The following LRRC9 variants were observed in gnomAD, a reference collection of about 807,000 sequenced individuals.
LRRC9 encodes the protein leucine rich repeat containing 9.
In LRRC9, 122 loss-of-function variants were observed where a neutral mutation model predicts 63.2. The observed-to-expected ratio is 1.93, with a 90% CI of 1.67 to 2.24. The LOEUF (loss-of-function observed/expected upper bound fraction) is 2.24. Ranked by LOEUF, LRRC9 falls within the 30% of genes most tolerant of loss-of-function variation. The probability of loss-of-function intolerance (pLI) is 0.00; values close to 1 mark genes in which losing one functional copy is unlikely to be tolerated. For synonymous variants in LRRC9, 366 were observed against 213.1 expected (o/e 1.72, Z -6.25); for missense variants, 1,071 against 627.7 (o/e 1.71, Z -7.55).
intron 26 of LRRC9, 111 bp from the exon 27 acceptor site, chr14:60,022,623 A>G (rs1027014926): frequency 2.4e-6 from 1 of 408,250 alleles, no homozygotes; most frequent in African/African-American, 2.1e-5. Context: ...ATATTAATAA[A>G]TTTATATTTT....
chr14:60,052,923 CT>C (rs1893999440), intron 29 of LRRC9, 141 bp from the exon 30 acceptor site: 1 of 498,696 alleles, frequency 2.0e-6, no homozygotes, highest in Admixed American at 3.4e-5. Flanking sequence ...AAAAAGGTAG[CT>C]CATTATCTGT....
intron 8 of LRRC9, among the ~76,000 whole-genome samples, chr14:59,953,775 A>G (rs1338876682): frequency 6.6e-6 from 1 of 152,128 alleles, no homozygotes. Flanking sequence ...GTTTTCTTCT[A>G]GGGTTTTTAT....
intron 23 of LRRC9, among the ~76,000 whole-genome samples, chr14:60,011,520 TAC>T (rs922030057): frequency 1.1e-4 from 16 of 152,222 alleles, no homozygotes; most frequent in African/African-American, 3.1e-4. Context: ...TATAGGATCT[TAC>T]AGTCTTTTTG....
At chr14:59,992,374 G>A (rs1888239872) in intron 17 of LRRC9, among the ~76,000 whole-genome samples, 1 of 152,174 alleles carries the variant, frequency 6.6e-6, no homozygotes, top group Non-Finnish European at 1.5e-5. Flanking sequence ...AAACAGAGCA[G>A]AAAAACTGGG....
At chr14:60,012,948 A>AT (rs1480341567) in intron 23 of LRRC9, among the ~76,000 whole-genome samples, 1 of 150,872 alleles carries the variant, frequency 6.6e-6, no homozygotes, top group Non-Finnish European at 1.5e-5. Context: ...TTATTTATTT[A>AT]TTTATTTTTT....
chr14:60,064,031 A>C (rs1894811498), downstream of LRRC9, among the ~76,000 whole-genome samples: 1 of 152,228 alleles, frequency 6.6e-6, no homozygotes, highest in South Asian at 2.1e-4. Context: ...TGCTCTAAGA[A>C]TAAAAAAAGC....
At chr14:59,952,034 C>T (rs12892398) in intron 8 of LRRC9, among the ~76,000 whole-genome samples, 25,908 of 147,942 alleles carry the variant, frequency 0.18, 2,659 homozygotes, top group East Asian at 0.29. Flanking sequence ...CCACCCAGTT[C>T]GAGCTTCCCG....
intron 6 of LRRC9, among the ~76,000 whole-genome samples, chr14:59,933,528 T>C (rs1257827189): frequency 6.6e-6 from 1 of 152,168 alleles, no homozygotes; most frequent in African/African-American, 2.4e-5. Flanking sequence ...TAGAAAATAC[T>C]GAAGAAAGAT....
intron 8 of LRRC9, among the ~76,000 whole-genome samples, chr14:59,949,298 A>G (rs2139892520): frequency 6.6e-6 from 1 of 152,262 alleles, no homozygotes; most frequent in Non-Finnish European, 1.5e-5. Context: ...AATTGCGTAG[A>G]GGTGTTTGTA....
At position 59,954,270 on chromosome 14, in the gene LRRC9, G is replaced by A. The variant is rs192753587; in HGVS notation, c.883-5548G>A. ...CTTTGGGGAGTATGACCATTTTCAC[G>A]ATATTGATTCTTCCTATCCATGAGC... On this transcript the variant is annotated intron_variant, in intron 8 of 31. Coordinates refer to ENST00000445360, the Ensembl canonical transcript of LRRC9. Among the ~76,000 whole-genome samples the A allele has an allele frequency of 4.3e-4, 65 of 152,206 alleles. 1 individual carries two copies. The highest frequency in any genetic ancestry group is 1.4e-3 in the African/African-American group (58 of 41,540).
At chr14:60,049,224 T>C (rs1893692705) in intron 29 of LRRC9, among the ~76,000 whole-genome samples, 1 of 152,190 alleles carries the variant, frequency 6.6e-6, no homozygotes, top group Non-Finnish European at 1.5e-5. Flanking sequence ...CCATTCTGTG[T>C]CTTTTAATTG....
intron 28 of LRRC9, among the ~76,000 whole-genome samples, chr14:60,030,738 G>A (rs1891925797): frequency 6.6e-6 from 1 of 151,922 alleles, no homozygotes; most frequent in Non-Finnish European, 1.5e-5. Context: ...AATTTCTTCT[G>A]TCATAGCCAA....
At chr14:59,956,014 T>C (rs1420839099) in intron 8 of LRRC9, among the ~76,000 whole-genome samples, 1 of 152,236 alleles carries the variant, frequency 6.6e-6, no homozygotes, top group African/African-American at 2.4e-5. Flanking sequence ...CTGTTTGTTA[T>C]GATTTCCATT....
At chr14:60,037,411 A>G (rs908661162) in intron 29 of LRRC9, among the ~76,000 whole-genome samples, 1 of 152,132 alleles carries the variant, frequency 6.6e-6, no homozygotes, top group African/African-American at 2.4e-5. Flanking sequence ...ATTTCTCCAT[A>G]TCCTCTCCAG....
rs1278928224 is a variant in LRRC9, at chr14:59,938,558, A to G, written c.712A>G (p.Lys238Glu). The change falls in exon 7 of 32, where the codon AAG (lysine) becomes GAG (glutamate). Residue 238 changes from lysine to glutamate, a missense_variant. Coordinates refer to ENST00000445360, the Ensembl canonical transcript of LRRC9. This position sits in a 1 kb window ranked among gnomAD's most constrained non-coding sequence, Gnocchi z 4.2. Reference sequence around the variant, plus strand: ...ATTGGATGTGTCAGCAAAGCAAATCAAGGAACTGGCAGATGTAAGTACATC... The same window carrying G: ...ATTGGATGTGTCAGCAAAGCAAATCGAGGAACTGGCAGATGTAAGTACATC... 1.4e-6 allele frequency: 1 copy of G among 692,478 alleles called. No homozygotes were observed. The highest frequency in any genetic ancestry group is 1.5e-5 in the South Asian group (1 of 65,926). 42.9% of individuals were successfully genotyped at this position (692,478 alleles called of 1,614,324 possible).
chr14:60,056,843 G>C (rs968715562), intron 30 of LRRC9, among the ~76,000 whole-genome samples: 1 of 152,122 alleles, frequency 6.6e-6, no homozygotes, highest in African/African-American at 2.4e-5. Context: ...AAATGTGTTT[G>C]TCTTTGTCTT....
intron 9 of LRRC9, among the ~76,000 whole-genome samples, chr14:59,960,675 T>C (rs1383492675): frequency 6.6e-6 from 1 of 152,186 alleles, no homozygotes; most frequent in African/African-American, 2.4e-5. Context: ...AAGCTGTAAG[T>C]GGTAGAGCAA....
rs192032895 is a variant in LRRC9, at chr14:60,055,653, G to A, written c.4132-2225G>A. Among the ~76,000 whole-genome samples, 316 of 151,854 alleles carry A rather than the reference G, an allele frequency of 2.1e-3. 3 individuals carry two copies. Among genetic ancestry groups the A allele is most frequent in the Non-Finnish European group, 1.7e-3 (117 of 67,944 alleles). ...TATGCCTATAATCCCAGCACTCTGG[G>A]AAGCTGAGGCAGGTGGATCACTTGA... On this transcript the variant is annotated intron_variant, in intron 30 of 31. Transcript: ENST00000445360.
rs1324556830 is a variant in LRRC9 at position 60,051,270 on chromosome 14, T to G, written c.3991-1795T>G. On this transcript the variant is annotated intron_variant, in intron 29 of 31. Coordinates refer to ENST00000445360, the Ensembl canonical transcript of LRRC9. This position sits in a 1 kb window ranked among gnomAD's most constrained non-coding sequence, Gnocchi z 4.7. The stretch of plus-strand genomic sequence containing the variant: ...GATCAGGGTTCAGTGCATATAAGAC[T>G]GGCTGGAGTGACTCCAGGCCCCCCA... 2.0e-5 allele frequency among the ~76,000 whole-genome samples: 3 copies of G among 152,178 alleles called. No homozygotes were observed. Among genetic ancestry groups the G allele is most frequent in the Non-Finnish European group, 4.4e-5 (3 of 68,028 alleles).
Sources: allele counts gnomAD v4.1 joint callset (sites outside exome capture counted in the v4.1 genomes callset), GRCh38; gene constraint gnomAD v4.1.1; non-coding constraint Gnocchi (gnomAD v3.1); transcripts MANE v1.5; gene names NCBI Gene and HGNC (gene_info 2026-07-23, HGNC 2026-07-21).